The following TMED5 variants were observed in gnomAD, a reference collection of about 807,000 sequenced individuals.
TMED5 encodes transmembrane p24 trafficking protein 5.
Under a neutral mutation model 23.0 loss-of-function variants are expected in TMED5, and 27 were observed. The observed-to-expected ratio is 1.17, with a 90% confidence interval of 0.86 to 1.62. The LOEUF (loss-of-function observed/expected upper bound fraction) is 1.62. Among genes scored for constraint, TMED5 ranks in the 40% most tolerant of loss-of-function variants. The pLI, the probability that TMED5 is intolerant of heterozygous loss-of-function variation, is 0.00. For missense variants in TMED5, 248 were observed against 273.7 expected, an observed-to-expected ratio of 0.91 and a Z score of 0.66; for synonymous variants, 97 against 100.8, an observed-to-expected ratio of 0.96 and a Z score of 0.23.
chr1:93,158,978 A>G lies in TMED5; in HGVS notation c.287+1151T>C, dbSNP rs370477089. On this transcript the variant is annotated intron_variant, in intron 2 of 3. Transcript: ENST00000370282. ...ATCTTATTTAGTAATAGCTTATGCA[A>G]ATATTTTTCTGAGCTCTGCATAGGT... is the stretch of plus-strand genomic sequence containing the variant. 1.6e-4 allele frequency: 64 copies of G among 411,112 alleles called. No individual in the cohort carries two copies. The East Asian group carries it at 4.6e-3, about 30-fold the overall frequency. 25.5% of individuals were successfully genotyped at this position (411,112 alleles called of 1,614,324 possible).
intron 1 of TMED5, 177 bp downstream of exon 1, chr1:93,179,877 G>A (rs1005193594): frequency 3.4e-6 from 2 of 591,558 alleles, no homozygotes; most frequent in South Asian, 2.3e-5. Flanking sequence ...CTGGGTCCCC[G>A]GCCCCAGCGA....
intron 2 of TMED5, among the ~76,000 whole-genome samples, chr1:93,159,408 T>C (rs959010709): frequency 6.6e-6 from 1 of 152,146 alleles, no homozygotes; most frequent in African/African-American, 2.4e-5. Flanking sequence ...AGATACTCCA[T>C]ATTTGCTCTT....
intron 1 of TMED5, among the ~76,000 whole-genome samples, chr1:93,172,331 C>G (rs935831426): frequency 6.6e-6 from 1 of 152,050 alleles, no homozygotes; most frequent in Non-Finnish European, 1.5e-5. Context: ...AAACCCGTCC[C>G]GGAACTAATA....
chr1:93,166,956 G>A (rs1237867610), intron 1 of TMED5, among the ~76,000 whole-genome samples: 1 of 152,172 alleles, frequency 6.6e-6, no homozygotes, highest in African/African-American at 2.4e-5. Context: ...GAGAGGTAGA[G>A]ATCTAGTTTC....
At chr1:93,160,270 G>T in intron 1 of TMED5, 44 bp from the exon 2 acceptor site, 1 of 1,249,840 alleles carries the variant, frequency 8.0e-7, no homozygotes, top group South Asian at 1.3e-5. Context: ...TACAAATTCT[G>T]GAAATAAAAA....
intron 2 of TMED5, among the ~76,000 whole-genome samples, chr1:93,159,240 C>G (rs1648183006): frequency 6.6e-6 from 1 of 152,192 alleles, no homozygotes; most frequent in Non-Finnish European, 1.5e-5. Flanking sequence ...TCCATCCTGT[C>G]TCCACCCTGC....
chr1:93,166,096 ATTC>A (rs751739730), intron 1 of TMED5, among the ~76,000 whole-genome samples: 1 of 152,372 alleles, frequency 6.6e-6, no homozygotes, highest in Admixed American at 6.5e-5. Flanking sequence ...ACAAGATCTC[ATTC>A]TTCTTTATGG....
rs1647841281 is a variant in TMED5 at position 93,150,642 on chromosome 1, C to G, written c.*4028G>C. 6.6e-6 allele frequency: 1 copy of G among 152,198 alleles called. No individual in the cohort carries two copies. The highest frequency in any genetic ancestry group is 1.5e-5 in the Non-Finnish European group (1 of 68,040). 9.4% of individuals were successfully genotyped at this position (152,198 alleles called of 1,614,324 possible). A position where few individuals can be genotyped will look rare whatever the true frequency, so the allele number is the denominator to read the frequency against. The stretch of plus-strand genomic sequence containing the variant: ...CAACTCTAAAATTTATCATTTGGAA[C>G]TGTCTTTTCTTTCTGCAATGGTATT... On this transcript the variant is annotated 3_prime_UTR_variant, in exon 4 of 4. Coordinates refer to ENST00000370282, the MANE Select transcript of TMED5 (RefSeq NM_016040.5).
Position 93,153,205 on chromosome 1 carries a change from C to T in TMED5, c.*1465G>A, listed in dbSNP as rs564214173. 6.6e-6 allele frequency: 1 copy of T among 152,482 alleles called. No homozygotes were observed. Among genetic ancestry groups the T allele is most frequent in the South Asian group, 2.1e-4 (1 of 4,822 alleles). The allele number at this position is 152,482 out of a possible 1,614,324, so 9.4% of individuals were successfully genotyped here. On this transcript the variant is annotated 3_prime_UTR_variant, in exon 4 of 4. Transcript: ENST00000370282. ...GTTCATTCATGATGAAGTTAAATTACTAGTACTTGAGTAAGACCCCCATAG... is the reference window on the plus strand; with the variant it reads ...GTTCATTCATGATGAAGTTAAATTATTAGTACTTGAGTAAGACCCCCATAG...
At chr1:93,160,075 G>T in intron 2 of TMED5, 54 bp downstream of exon 2, 1 of 1,072,046 alleles carries the variant, frequency 9.3e-7, no homozygotes, top group Non-Finnish European at 1.4e-6. Context: ...ATGCCCTGCA[G>T]ATAACCCACT....
intron 1 of TMED5, among the ~76,000 whole-genome samples, chr1:93,164,507 C>T (rs537666431): frequency 4.6e-5 from 7 of 152,038 alleles, no homozygotes; most frequent in African/African-American, 1.2e-4. Context: ...AAAGCTTGTC[C>T]GTCTTGGCCT....
chr1:93,176,074 T>C (rs1648900516), intron 1 of TMED5, among the ~76,000 whole-genome samples: 1 of 152,168 alleles, frequency 6.6e-6, no homozygotes, highest in South Asian at 2.1e-4. Flanking sequence ...CTTATAACTA[T>C]TCAGTGGCGT....
At position 93,151,345 on chromosome 1, in the gene TMED5, C is replaced by G. The variant is rs1438543830; in HGVS notation, c.*3325G>C. 3 of 152,172 alleles carry G rather than the reference C, an allele frequency of 2.0e-5. No individual in the cohort carries two copies. Among genetic ancestry groups the G allele is most frequent in the Non-Finnish European group, 4.4e-5 (3 of 68,030 alleles). The allele number at this position is 152,172 out of a possible 1,614,324, so 9.4% of individuals were successfully genotyped here. ...TAACCTACCTACACCAAGCATTGTACTTTTCCTATATGCTAACAAGTTTTA... is the reference window on the plus strand; with the variant it reads ...TAACCTACCTACACCAAGCATTGTAGTTTTCCTATATGCTAACAAGTTTTA... On this transcript the variant is annotated 3_prime_UTR_variant, in exon 4 of 4. Transcript: ENST00000370282.
chr1:93,163,778 CCAG>C (rs1214464889), intron 1 of TMED5, among the ~76,000 whole-genome samples: 2 of 151,390 alleles, frequency 1.3e-5, no homozygotes, highest in East Asian at 3.9e-4. Flanking sequence ...GGGTTCAAGA[CCAG>C]CCTGGGCAAG....
chr1:93,171,609 A>G (rs1431929151), intron 1 of TMED5, among the ~76,000 whole-genome samples: 1 of 152,238 alleles, frequency 6.6e-6, no homozygotes, highest in African/African-American at 2.4e-5. Context: ...GACAGTTTCA[A>G]TGGTGAATCC....
intron 1 of TMED5, among the ~76,000 whole-genome samples, chr1:93,176,848 TTGTATCCC>T (rs1451062092): frequency 6.6e-6 from 1 of 152,220 alleles, no homozygotes; most frequent in African/African-American, 2.4e-5. Context: ...TCACTCACCA[TTGTATCCC>T]TAGCAACTTG....
chr1:93,175,925 T>G (rs78937691), intron 1 of TMED5, among the ~76,000 whole-genome samples: 3,797 of 152,302 alleles, frequency 0.025, 134 homozygotes, highest in African/African-American at 0.081. Flanking sequence ...TCCTTTTACA[T>G]GTATTAGCAT....
intron 1 of TMED5, among the ~76,000 whole-genome samples, chr1:93,167,230 T>A (rs191233193): frequency 3.3e-5 from 5 of 152,300 alleles, no homozygotes; most frequent in Admixed American, 1.3e-4. Context: ...GCTTAGGATA[T>A]TTCTGGGCTA....
chr1:93,156,570 G>T, intron 2 of TMED5, 87 bp from the exon 3 acceptor site: 1 of 1,057,404 alleles, frequency 9.5e-7, no homozygotes, highest in Non-Finnish European at 1.4e-6. Context: ...GAAGTAACAG[G>T]CTGAGTGTGT....
Sources: allele counts gnomAD v4.1 joint callset (sites outside exome capture counted in the v4.1 genomes callset), GRCh38; gene constraint gnomAD v4.1.1; transcripts MANE v1.5; gene names NCBI Gene and HGNC (gene_info 2026-07-23, HGNC 2026-07-21).